Variants in FAM13A observed in about 807,000 individuals in gnomAD.
FAM13A encodes protein FAM13A.
A neutral mutation model predicts 129.6 loss-of-function variants in FAM13A; 76 were observed. The observed-to-expected ratio is 0.59, with a 90% CI of 0.49 to 0.71. The LOEUF (loss-of-function observed/expected upper bound fraction) is 0.71. Among genes scored for constraint, FAM13A ranks in the 30% least tolerant of loss-of-function variants. The probability of loss-of-function intolerance (pLI) is 0.00; values close to 1 mark genes in which losing one functional copy is unlikely to be tolerated. For missense variants in FAM13A, 1,108 were observed against 1,249.3 expected (o/e 0.89, Z 1.70); for synonymous variants, 443 against 449.9 (o/e 0.98, Z 0.20).
At chr4:89,029,758 G>A in intron 1 of FAM13A, 109 bp from the exon 2 acceptor site, 3 of 917,716 alleles carry the variant, frequency 3.3e-6, no homozygotes, top group South Asian at 3.1e-5. Flanking sequence ...GAATAGTTGT[G>A]GTCTTATTTT....
At chr4:88,937,581 T>C (rs1754049260) in intron 5 of FAM13A, 1 of 154,660 alleles carries the variant, frequency 6.5e-6, no homozygotes, top group East Asian at 1.9e-4. Flanking sequence ...CAAGGACTCC[T>C]TTATAGGTTT....
chr4:88,760,070 C>T (rs1456908656), intron 13 of FAM13A, among the ~76,000 whole-genome samples: 1 of 152,202 alleles, frequency 6.6e-6, no homozygotes, highest in Non-Finnish European at 1.5e-5. Flanking sequence ...CTAAGAACAT[C>T]TGGAAATCAT....
At chr4:88,942,021 T>A (rs1163753562) in intron 4 of FAM13A, among the ~76,000 whole-genome samples, 3 of 152,086 alleles carry the variant, frequency 2.0e-5, no homozygotes, top group Non-Finnish European at 4.4e-5. Flanking sequence ...AAAAATGAGA[T>A]CCCTAATTTC....
chr4:88,990,389 C>T (rs1257381369), intron 4 of FAM13A: 1 of 152,084 alleles, frequency 6.6e-6, no homozygotes, highest in Non-Finnish European at 1.5e-5. Flanking sequence ...GAGTTAAAAG[C>T]AAAGTCCCTG....
At chr4:89,036,611 C>T (rs559790111) in intron 1 of FAM13A, among the ~76,000 whole-genome samples, 7 of 152,316 alleles carry the variant, frequency 4.6e-5, no homozygotes, top group African/African-American at 1.7e-4. Context: ...TTCAGAGGAA[C>T]TGAATGTTAA....
intron 4 of FAM13A, among the ~76,000 whole-genome samples, chr4:88,985,399 G>A (rs761275159): frequency 7.2e-5 from 11 of 152,132 alleles, no homozygotes; most frequent in Admixed American, 5.2e-4. Flanking sequence ...ACAGAATTCT[G>A]TATCTATTCA....
At chr4:88,948,610 T>G (rs1756358798) in intron 4 of FAM13A, among the ~76,000 whole-genome samples, 1 of 152,114 alleles carries the variant, frequency 6.6e-6, no homozygotes, top group Non-Finnish European at 1.5e-5. Context: ...CGCCTCGGCT[T>G]CCTGAGTAGC....
intron 4 of FAM13A, among the ~76,000 whole-genome samples, chr4:88,970,619 A>G (rs1579556944): frequency 6.6e-6 from 1 of 152,068 alleles, no homozygotes; most frequent in South Asian, 2.1e-4. Context: ...CTTCAATTAG[A>G]AAGAAATTAA....
intron 4 of FAM13A, among the ~76,000 whole-genome samples, chr4:88,981,314 A>C (rs1416308128): frequency 6.6e-6 from 1 of 152,208 alleles, no homozygotes; most frequent in African/African-American, 2.4e-5. Flanking sequence ...AAGAATACTA[A>C]CAGACAAACA....
At chr4:88,770,652 T>C (rs1280768039) in intron 11 of FAM13A, among the ~76,000 whole-genome samples, 2 of 152,060 alleles carry the variant, frequency 1.3e-5, no homozygotes, top group African/African-American at 4.8e-5. Context: ...AATTTAGAGA[T>C]ATTTCATTTA....
At chr4:88,870,912 A>C (rs1018400782) in intron 6 of FAM13A, among the ~76,000 whole-genome samples, 2 of 152,162 alleles carry the variant, frequency 1.3e-5, no homozygotes, top group African/African-American at 4.8e-5. Context: ...CCCCTCTGAG[A>C]TGAAGCTTCC....
intron 4 of FAM13A, among the ~76,000 whole-genome samples, chr4:88,973,746 T>C (rs574410177): frequency 1.3e-5 from 2 of 152,340 alleles, no homozygotes; most frequent in South Asian, 2.1e-4. Flanking sequence ...TAAAGGGAAC[T>C]GCTGTAAATT....
chr4:88,883,465 T>A (rs762657954), intron 6 of FAM13A, among the ~76,000 whole-genome samples: 1 of 152,026 alleles, frequency 6.6e-6, no homozygotes, highest in Non-Finnish European at 1.5e-5. Context: ...TTGAACTCAA[T>A]GATAATAGTG....
At chr4:88,886,559 G>A (rs929933393) in intron 6 of FAM13A, among the ~76,000 whole-genome samples, 2 of 151,906 alleles carry the variant, frequency 1.3e-5, no homozygotes, top group African/African-American at 4.8e-5. Context: ...CTGCACTCCA[G>A]CCTGGATGAC....
At chr4:88,958,085 T>G in intron 4 of FAM13A, among the ~76,000 whole-genome samples, 1 of 151,872 alleles carries the variant, frequency 6.6e-6, no homozygotes, top group African/African-American at 2.4e-5. Flanking sequence ...AAAAAAAGCT[T>G]TTTCAGGAGA....
intron 1 of FAM13A, among the ~76,000 whole-genome samples, chr4:89,036,392 C>G (rs1429853929): frequency 6.6e-6 from 1 of 152,116 alleles, no homozygotes; most frequent in Non-Finnish European, 1.5e-5. Flanking sequence ...AAGCAGCAAA[C>G]CACTCGAGAT....
intron 1 of FAM13A, among the ~76,000 whole-genome samples, chr4:89,054,808 TAAA>T (rs1772019293): frequency 6.6e-6 from 1 of 152,182 alleles, no homozygotes; most frequent in Non-Finnish European, 1.5e-5. Context: ...TTTATCTGCA[TAAA>T]AACACAACCT....
intron 4 of FAM13A, among the ~76,000 whole-genome samples, chr4:88,963,747 A>G (rs2148924507): frequency 6.6e-6 from 1 of 152,312 alleles, no homozygotes; most frequent in South Asian, 2.1e-4. Flanking sequence ...TATTTTAGGG[A>G]CCAGTCTATT....
intron 1 of FAM13A, among the ~76,000 whole-genome samples, chr4:89,039,359 G>A (rs1769805351): frequency 6.6e-6 from 1 of 152,100 alleles, no homozygotes; most frequent in African/African-American, 2.4e-5. Context: ...ATGTCATCAT[G>A]CATTTTACCA....
Sources: allele counts gnomAD v4.1 joint callset (sites outside exome capture counted in the v4.1 genomes callset), GRCh38; gene constraint gnomAD v4.1.1; transcripts MANE v1.5; gene names NCBI Gene and HGNC (gene_info 2026-07-23, HGNC 2026-07-21).